MCU: variants seen among roughly 807,000 people sequenced by gnomAD.
MCU encodes mitochondrial calcium uniporter, also known as calcium uniporter protein, mitochondrial.
Under a neutral mutation model 45.2 loss-of-function variants are expected in MCU, and 12 were observed. The observed-to-expected ratio is 0.27, with a 90% CI of 0.17 to 0.43. The LOEUF (loss-of-function observed/expected upper bound fraction) is 0.43, where lower values mean the gene tolerates loss of function less well. Ranked by LOEUF, MCU falls within the 20% of genes least tolerant of loss-of-function variation. The pLI is 1.00. For synonymous variants in MCU, 160 were observed against 165.1 expected, an observed-to-expected ratio of 0.97 and a Z score of 0.24; for missense variants, 324 against 436.7, an observed-to-expected ratio of 0.74 and a Z score of 2.30.
intron 1 of MCU, among the ~76,000 whole-genome samples, chr10:72,699,740 C>T (rs368470500): frequency 1.3e-5 from 2 of 151,390 alleles, no homozygotes; most frequent in African/African-American, 2.4e-5. Flanking sequence ...TACAGGTGTG[C>T]GCCACCGCCC....
intron 1 of MCU, among the ~76,000 whole-genome samples, chr10:72,710,223 C>A (rs1335177071): frequency 1.3e-5 from 2 of 152,018 alleles, no homozygotes. Flanking sequence ...TGATCTGCCC[C>A]CCTCAGCCTC....
At chr10:72,814,554 TAAAA>T (rs985297670) in intron 1 of MCU, among the ~76,000 whole-genome samples, 1 of 151,532 alleles carries the variant, frequency 6.6e-6, no homozygotes, top group Non-Finnish European at 1.5e-5. Flanking sequence ...TGAAACTCAC[TAAAA>T]AAAAGACAGG....
At chr10:72,693,199 T>TGTGTGA (rs1491182985) in intron 1 of MCU, 5 of 485,374 alleles carry the variant, frequency 1.0e-5, no homozygotes, top group African/African-American at 6.4e-5. Flanking sequence ...TGTGTGTGTG[T>TGTGTGA]GAGAGAGAGA....
chr10:72,778,193 A>G (rs187874617), intron 1 of MCU, among the ~76,000 whole-genome samples: 6 of 152,206 alleles, frequency 3.9e-5, no homozygotes, highest in African/African-American at 1.4e-4. Context: ...CAAAAGAAAG[A>G]TAATCAATAT....
At chr10:72,811,497 G>T (rs1449702500) in intron 1 of MCU, among the ~76,000 whole-genome samples, 3 of 152,152 alleles carry the variant, frequency 2.0e-5, no homozygotes, top group Non-Finnish European at 2.9e-5. Context: ...GACCTGTGGG[G>T]TCCCTTCAGA....
chr10:72,809,314 C>CT (rs1474853887), intron 1 of MCU, among the ~76,000 whole-genome samples: 6 of 152,266 alleles, frequency 3.9e-5, no homozygotes, highest in African/African-American at 4.8e-5. Context: ...AATGGAAGAG[C>CT]TGGGATTCAA....
intron 7 of MCU, among the ~76,000 whole-genome samples, chr10:72,885,169 G>A (rs993422076): frequency 3.9e-5 from 6 of 152,266 alleles, no homozygotes; most frequent in Middle Eastern, 3.4e-3. Context: ...CTAAACTGGA[G>A]GGAATACATC....
intron 1 of MCU, among the ~76,000 whole-genome samples, chr10:72,732,662 G>A (rs566279691): frequency 4.9e-4 from 75 of 152,262 alleles, no homozygotes; most frequent in African/African-American, 1.7e-3. Context: ...TGCTCCTTAA[G>A]CACACTTCCT....
intron 1 of MCU, among the ~76,000 whole-genome samples, chr10:72,774,471 A>G (rs1014685399): frequency 2.6e-5 from 4 of 152,156 alleles, no homozygotes; most frequent in South Asian, 4.1e-4. Context: ...CTTAACCACA[A>G]AGGAAGACAG....
At chr10:72,834,812 A>G (rs1232846413) in intron 2 of MCU, among the ~76,000 whole-genome samples, 1 of 152,072 alleles carries the variant, frequency 6.6e-6, no homozygotes, top group East Asian at 1.9e-4. Flanking sequence ...GGCGAGCACC[A>G]CCATGCCCAA....
rs1467894448 is a variant in MCU, at chr10:72,887,091, T to A, written c.*1269T>A. ...GAATCTGTGTCTAATATCCTGTTTT[T>A]AACTGCTGTAGGGGCAGGATGGAAA... On this transcript the variant is annotated 3_prime_UTR_variant, in exon 8 of 8. Transcript: ENST00000373053. 1.3e-5 allele frequency: 2 copies of A among 152,368 alleles called. No individual in the cohort carries two copies. Among genetic ancestry groups the A allele is most frequent in the African/African-American group, 4.8e-5 (2 of 41,440 alleles). 9.4% of individuals were successfully genotyped at this position (152,368 alleles called of 1,614,324 possible). A position where few individuals can be genotyped will look rare whatever the true frequency, so the allele number is the denominator to read the frequency against.
chr10:72,810,720 C>G (rs912641163), intron 1 of MCU, among the ~76,000 whole-genome samples: 1 of 151,832 alleles, frequency 6.6e-6, no homozygotes, highest in African/African-American at 2.4e-5. Flanking sequence ...GTCTTGAACT[C>G]CTGACCTCAG....
At chr10:72,846,167 C>T (rs1283600153) in intron 2 of MCU, among the ~76,000 whole-genome samples, 5 of 152,002 alleles carry the variant, frequency 3.3e-5, no homozygotes, top group African/African-American at 9.7e-5. Flanking sequence ...CTCAGTCTCC[C>T]GAGTAGCTGG....
At chr10:72,831,808 C>T (rs1844883045) in intron 1 of MCU, among the ~76,000 whole-genome samples, 1 of 151,972 alleles carries the variant, frequency 6.6e-6, no homozygotes, top group Non-Finnish European at 1.5e-5. Flanking sequence ...ATCGCTATTG[C>T]AAAGGCCCTG....
intron 1 of MCU, among the ~76,000 whole-genome samples, chr10:72,830,047 A>G (rs1437414722): frequency 6.6e-6 from 1 of 152,244 alleles, no homozygotes; most frequent in Admixed American, 6.5e-5. Context: ...AAGGATCAAC[A>G]AACATTTTCT....
At chr10:72,844,574 A>AAT (rs916318533) in intron 2 of MCU, among the ~76,000 whole-genome samples, 19 of 151,846 alleles carry the variant, frequency 1.3e-4, no homozygotes, top group East Asian at 5.8e-4. Flanking sequence ...TGTCTCAAAA[A>AAT]ATATATATAT....
At chr10:72,770,753 G>A (rs945793474) in intron 1 of MCU, among the ~76,000 whole-genome samples, 6 of 151,864 alleles carry the variant, frequency 4.0e-5, no homozygotes, top group African/African-American at 9.7e-5. Context: ...TTCTGATAGC[G>A]TCAAATATAT....
At chr10:72,733,611 T>C (rs1210245412) in intron 1 of MCU, among the ~76,000 whole-genome samples, 2 of 151,942 alleles carry the variant, frequency 1.3e-5, no homozygotes, top group Admixed American at 1.3e-4. Context: ...AACCAATGTG[T>C]GAAAAGCATT....
In MCU at chr10:72,721,686, TC is replaced by T. The variant is rs372324451; in HGVS notation, c.150+29386del. ...ATATTCTCAGTAAGGTCTTCCATGATCTCCTTGCATGAAAATTTTATTTTAT... is the reference window on the plus strand; with the variant it reads ...ATATTCTCAGTAAGGTCTTCCATGATTCCTTGCATGAAAATTTTATTTTAT... On this transcript the variant is annotated intron_variant, in intron 1 of 7. Transcript: ENST00000373053. Among the ~76,000 whole-genome samples, 52 of 152,338 alleles carry T rather than the reference TC, an allele frequency of 3.4e-4. 1 individual carries two copies. The South Asian group carries it at 0.011, about 31-fold the overall frequency.
Sources: allele counts gnomAD v4.1 joint callset (sites outside exome capture counted in the v4.1 genomes callset), GRCh38; gene constraint gnomAD v4.1.1; transcripts MANE v1.5; gene names NCBI Gene and HGNC (gene_info 2026-07-23, HGNC 2026-07-21).